The following PTCSC3 variants were observed in gnomAD, a reference collection of about 807,000 sequenced individuals.
PTCSC3 encodes papillary thyroid carcinoma susceptibility candidate 3 (non-protein coding).
At chr14:36,152,663 C>G (rs1196484555) in intron 3 of PTCSC3, among the ~76,000 whole-genome samples, 1 of 152,092 alleles carries the variant, frequency 6.6e-6, no homozygotes, top group East Asian at 1.9e-4. Flanking sequence ...GAGGTCGAGG[C>G]AGGCAGATCA....
intron 3 of PTCSC3, among the ~76,000 whole-genome samples, chr14:36,146,084 A>G (rs1881558911): frequency 6.7e-6 from 1 of 149,450 alleles, no homozygotes; most frequent in African/African-American, 2.5e-5. Flanking sequence ...ACTTCCAAGT[A>G]TGTGGTCAAT....
intron 3 of PTCSC3, among the ~76,000 whole-genome samples, chr14:36,140,847 G>A (rs932896044): frequency 6.6e-6 from 1 of 151,968 alleles, no homozygotes; most frequent in Non-Finnish European, 1.5e-5. Flanking sequence ...TTATCTTCTA[G>A]AAGTTAACAT....
chr14:36,155,541 G>A (rs1488052692), intron 2 of PTCSC3, among the ~76,000 whole-genome samples: 1 of 151,950 alleles, frequency 6.6e-6, no homozygotes, highest in Non-Finnish European at 1.5e-5. Context: ...TGCAGCATAA[G>A]AGAGTCTTAG....
At chr14:36,138,451 TTATG>T (rs1475990650) in intron 3 of PTCSC3, among the ~76,000 whole-genome samples, 3 of 152,236 alleles carry the variant, frequency 2.0e-5, no homozygotes, top group African/African-American at 7.2e-5. Flanking sequence ...TAACATTTCT[TTATG>T]TATTTTGGAT....
intron 3 of PTCSC3, among the ~76,000 whole-genome samples, chr14:36,151,691 GA>G (rs1227067125): frequency 6.6e-6 from 1 of 152,098 alleles, no homozygotes; most frequent in African/African-American, 2.4e-5. Flanking sequence ...ATGCTTATGT[GA>G]GACTGAAATT....
At chr14:36,163,157 G>A (rs1301991158) in intron 1 of PTCSC3, among the ~76,000 whole-genome samples, 1 of 151,974 alleles carries the variant, frequency 6.6e-6, no homozygotes, top group East Asian at 1.9e-4. Context: ...AGGATTACTT[G>A]AGCCTAGGGG....
intron 2 of PTCSC3, among the ~76,000 whole-genome samples, chr14:36,155,776 A>G (rs923075363): frequency 3.3e-5 from 5 of 152,138 alleles, no homozygotes; most frequent in Non-Finnish European, 5.9e-5. Flanking sequence ...GTTAAGTTTG[A>G]TCATATAACC....
intron 3 of PTCSC3, among the ~76,000 whole-genome samples, chr14:36,142,796 A>C (rs1389305028): frequency 1.5e-5 from 2 of 133,752 alleles, no homozygotes; most frequent in Non-Finnish European, 3.2e-5. Flanking sequence ...TCCCAATGCT[A>C]TCCCTCCCCC....
intron 2 of PTCSC3, among the ~76,000 whole-genome samples, chr14:36,154,530 A>C (rs1881789040): frequency 6.6e-6 from 1 of 152,182 alleles, no homozygotes; most frequent in Admixed American, 6.5e-5. Context: ...AGAAAATATC[A>C]TTAAATATTA....
At chr14:36,160,926 T>A (rs1224980294) in intron 2 of PTCSC3, among the ~76,000 whole-genome samples, 4 of 152,174 alleles carry the variant, frequency 2.6e-5, no homozygotes, top group African/African-American at 9.7e-5. Flanking sequence ...TCATTCCTTT[T>A]TATTCTTTTT....
intron 3 of PTCSC3, among the ~76,000 whole-genome samples, chr14:36,145,306 G>A (rs1445765958): frequency 6.6e-6 from 1 of 151,276 alleles, no homozygotes; most frequent in East Asian, 1.9e-4. Flanking sequence ...CTTTTTGGTT[G>A]GTAAGATATT....
exon 1 of PTCSC3, chr14:36,176,430 A>G (rs1882281252): frequency 6.6e-6 from 1 of 151,898 alleles, no homozygotes; most frequent in South Asian, 2.1e-4. Context: ...ATGGGATGCA[A>G]GAAAAACAAC....
chr14:36,139,290 T>C (rs1881367426), intron 3 of PTCSC3, among the ~76,000 whole-genome samples: 1 of 152,158 alleles, frequency 6.6e-6, no homozygotes, highest in Admixed American at 6.5e-5. Context: ...ACTGCTGATA[T>C]GTGAAAGAAC....
chr14:36,167,347 A>G (rs1414665238), intron 1 of PTCSC3, among the ~76,000 whole-genome samples: 1 of 152,100 alleles, frequency 6.6e-6, no homozygotes, highest in East Asian at 1.9e-4. Flanking sequence ...ACGTTGATGC[A>G]TAACTTCTAG....
At chr14:36,147,101 T>G (rs1053027474) in intron 3 of PTCSC3, among the ~76,000 whole-genome samples, 2 of 152,194 alleles carry the variant, frequency 1.3e-5, no homozygotes, top group Non-Finnish European at 2.9e-5. Flanking sequence ...TAACATTTTT[T>G]CCTTCATTTC....
intron 1 of PTCSC3, among the ~76,000 whole-genome samples, chr14:36,167,872 T>G (rs1882120615): frequency 1.3e-5 from 2 of 152,172 alleles, no homozygotes; most frequent in African/African-American, 2.4e-5. Context: ...TGCTTAACGT[T>G]CTGTAGAGCT....
chr14:36,157,253 T>A (rs1566507867), intron 2 of PTCSC3, among the ~76,000 whole-genome samples: 2 of 152,182 alleles, frequency 1.3e-5, no homozygotes, highest in African/African-American at 4.8e-5. Context: ...TTGATAGGGT[T>A]GTTTTTTTCT....
intron 3 of PTCSC3, among the ~76,000 whole-genome samples, chr14:36,147,176 G>A (rs1469856842): frequency 5.9e-5 from 9 of 151,956 alleles, no homozygotes; most frequent in South Asian, 4.2e-4. Context: ...TCTTTGTGGC[G>A]TTCTCTGTAT....
At position 36,164,889 on chromosome 14, in the gene PTCSC3, G is replaced by A. The variant is rs760300582; in HGVS notation, n.172-2206C>T. 5.3e-5 allele frequency among the ~76,000 whole-genome samples: 8 copies of A among 152,080 alleles called. No individual in the cohort carries two copies. In the East Asian group the frequency reaches 5.8e-4, roughly 11 times the overall value. ...TAACAATGTAATATATCTTTGTAAC[G>A]GTGATATCTTTGTTAATTCCTACTA... is the stretch of plus-strand genomic sequence containing the variant. On this transcript the variant is annotated intron_variant and non_coding_transcript_variant, in intron 1 of 3. Coordinates refer to ENST00000556013, the Ensembl canonical transcript of PTCSC3.
Sources: gnomAD v4.1 joint callset for allele counts (sites outside exome capture counted in the v4.1 genomes callset) on GRCh38, gnomAD v4.1.1 for gene constraint, MANE v1.5 for transcripts, NCBI Gene and HGNC (gene_info 2026-07-23, HGNC 2026-07-21) for gene names.